The following KAT2B variants were observed in gnomAD, a reference collection of about 807,000 sequenced individuals.
The protein encoded by KAT2B is lysine acetyltransferase 2B, also known as histone acetyltransferase KAT2B.
In KAT2B, 36 loss-of-function variants were observed where a neutral mutation model predicts 105.9. The observed-to-expected ratio is 0.34, with a 90% CI of 0.26 to 0.45. KAT2B has a LOEUF of 0.45. KAT2B is among the 20% of genes least tolerant of loss of function. The pLI, the probability that KAT2B is intolerant of heterozygous loss-of-function variation, is 1.00. For missense variants in KAT2B, 820 were observed against 1,021.6 expected, an observed-to-expected ratio of 0.80 and a Z score of 2.69; for synonymous variants, 397 against 377.9, an observed-to-expected ratio of 1.05 and a Z score of -0.59.
intron 2 of KAT2B, 60 bp downstream of exon 2, chr3:20,072,519 C>G: frequency 6.5e-7 from 1 of 1,537,950 alleles, no homozygotes; most frequent in Non-Finnish European, 9.0e-7. Context: ...AGACTCTTAA[C>G]TTACTGAATT....
In KAT2B at chr3:20,101,122, C is replaced by T; in HGVS notation, c.670-165C>T. 5.1e-6 allele frequency: 3 copies of T among 585,448 alleles called. No individual in the cohort carries two copies. The South Asian group carries it at 7.2e-5, about 14-fold the overall frequency. The allele number at this position is 585,448 out of a possible 1,614,324, so 36.3% of individuals were successfully genotyped here. A position where few individuals can be genotyped will look rare whatever the true frequency, so the allele number is the denominator to read the frequency against. On this transcript the variant is annotated intron_variant, in intron 4 of 17. Coordinates refer to ENST00000263754, the MANE Select transcript of KAT2B (RefSeq NM_003884.5). Reference sequence around the variant, plus strand: ...ATCCACCGTGATCTGAGGCAAGATTCCCTCTGGGGATTGCTATTTTCTTTT... The same window carrying T: ...ATCCACCGTGATCTGAGGCAAGATTTCCTCTGGGGATTGCTATTTTCTTTT...
intron 7 of KAT2B, 146 bp from the exon 8 acceptor site, chr3:20,119,452 A>C: frequency 1.4e-6 from 1 of 701,638 alleles, no homozygotes; most frequent in Non-Finnish European, 2.4e-6. Flanking sequence ...TGTCTTTACT[A>C]TTTTGATGCC....
chr3:20,044,331 T>A (rs566705156), intron 1 of KAT2B, among the ~76,000 whole-genome samples: 1 of 151,620 alleles, frequency 6.6e-6, no homozygotes, highest in South Asian at 2.1e-4. Flanking sequence ...AAATAAAAAA[T>A]TAACCAGGCG....
At chr3:20,120,937 G>A (rs1699297003) in intron 8 of KAT2B, among the ~76,000 whole-genome samples, 1 of 151,990 alleles carries the variant, frequency 6.6e-6, no homozygotes, top group South Asian at 2.1e-4. Flanking sequence ...ACTAATTCAT[G>A]CAGAAACTCT....
intron 2 of KAT2B, among the ~76,000 whole-genome samples, chr3:20,092,056 T>C (rs1008468293): frequency 1.3e-5 from 2 of 152,144 alleles, no homozygotes; most frequent in African/African-American, 2.4e-5. Flanking sequence ...TCTCATTGAA[T>C]GGAATGTTCT....
intron 2 of KAT2B, among the ~76,000 whole-genome samples, chr3:20,089,992 A>C (rs1698687827): frequency 6.7e-6 from 1 of 148,404 alleles, no homozygotes; most frequent in Non-Finnish European, 1.5e-5. Context: ...AAAAACAAAC[A>C]AACAAAAAAA....
chr3:20,040,619 G>T lies in KAT2B; in HGVS notation c.142G>T (p.Gly48Cys), dbSNP rs1310018387. Residue 48 changes from glycine to cysteine, a missense_variant, in exon 1 of 18, where the codon GGC becomes TGC. By Grantham distance (159) the Gly-to-Cys change is radical (BLOSUM62 -3). Around this residue, in one of 6 missense-constraint regions of KAT2B, gnomAD observed 190 missense variants for 176.7 expected, o/e 1.08. Coordinates refer to ENST00000263754, the MANE Select transcript of KAT2B (RefSeq NM_003884.5). The part of the protein sequence containing the change: ...QGSPCAAAAG[G>C]SGACGPATAV... ...CTCCCCCTGCGCCGCTGCCGCCGGG[G>T]GCTCGGGCGCCTGCGGTCCGGCGAC... The T allele has an allele frequency of 5.3e-6, 7 of 1,331,186 alleles. No individual in the cohort carries two copies. The highest frequency in any genetic ancestry group is 5.7e-6 in the Non-Finnish European group (6 of 1,043,552). The allele number at this position is 1,331,186 out of a possible 1,614,324, so 82.5% of individuals were successfully genotyped here. A position where few individuals can be genotyped will look rare whatever the true frequency, so the allele number is the denominator to read the frequency against.
chr3:20,114,534 T>C (rs774181151), intron 6 of KAT2B, among the ~76,000 whole-genome samples: 7 of 98,200 alleles, frequency 7.1e-5, no homozygotes, highest in Non-Finnish European at 1.1e-4. Flanking sequence ...ATTAGTAACT[T>C]TTATGATGGT....
intron 1 of KAT2B, among the ~76,000 whole-genome samples, chr3:20,066,690 C>T (rs550309818): frequency 9.2e-5 from 14 of 151,664 alleles, no homozygotes; most frequent in Middle Eastern, 3.4e-3. Context: ...CATGAGCCAC[C>T]GCACCTGGCT....
chr3:20,140,456 C>T (rs1699677360), intron 13 of KAT2B, 92 bp downstream of exon 13: 1 of 1,298,016 alleles, frequency 7.7e-7, no homozygotes, highest in Admixed American at 2.1e-5. Flanking sequence ...TATGTGTTTA[C>T]TGGATAGCAA....
chr3:20,119,793 A>G, intron 8 of KAT2B, 70 bp downstream of exon 8: 6 of 1,540,020 alleles, frequency 3.9e-6, no homozygotes, highest in Non-Finnish European at 5.3e-6. Context: ...GAGGAGTGCA[A>G]AAGGTAGACT....
chr3:20,106,647 T>C (rs958387995), intron 5 of KAT2B, among the ~76,000 whole-genome samples: 4 of 152,178 alleles, frequency 2.6e-5, no homozygotes, highest in African/African-American at 9.7e-5. Context: ...ACATTTTTAC[T>C]AGCTAATAAC....
intron 11 of KAT2B, among the ~76,000 whole-genome samples, chr3:20,135,105 C>T (rs1367031062): frequency 6.6e-6 from 1 of 152,180 alleles, no homozygotes; most frequent in East Asian, 1.9e-4. Context: ...TTACTATCGT[C>T]TCCTCAAGGA....
At chr3:20,122,090 C>A in intron 8 of KAT2B, among the ~76,000 whole-genome samples, 1 of 152,044 alleles carries the variant, frequency 6.6e-6, no homozygotes, top group East Asian at 1.9e-4. Context: ...ACGGTTGAGG[C>A]TTTAAACAAA....
chr3:20,052,863 C>CTG (rs1181012464), intron 1 of KAT2B, among the ~76,000 whole-genome samples: 8 of 152,222 alleles, frequency 5.3e-5, no homozygotes, highest in Admixed American at 3.3e-4. Flanking sequence ...GTAATCCCAG[C>CTG]TATTCGGGAG....
In KAT2B at chr3:20,114,811, C is replaced by T. The variant is rs1699177874; in HGVS notation, c.1044-71C>T. On this transcript the variant is annotated intron_variant, in intron 6 of 17. Transcript: ENST00000263754. The stretch of plus-strand genomic sequence containing the variant: ...GAGACGCTGATGTTAAGGTGATTGT[C>T]ACAGATAATTAGGGCTGTTATCCTT... 10 of 789,312 alleles carry T rather than the reference C, an allele frequency of 1.3e-5. 1 individual carries two copies. Among genetic ancestry groups the T allele is most frequent in the Middle Eastern group, 2.5e-4 (1 of 3,936 alleles). The allele number at this position is 789,312 out of a possible 1,614,324, so 48.9% of individuals were successfully genotyped here.
At position 20,148,313 on chromosome 3, in the gene KAT2B, GTCC is replaced by G; in HGVS notation, c.2220+10_2220+12del. The stretch of plus-strand genomic sequence containing the variant: ...CATCCTCCAGCAGGTGAAGGTGGGT[GTCC>G]TCTTTATTCACCTCATGCAAATATT... On this transcript the variant is annotated splice_region_variant and intron_variant, in intron 16 of 17. Coordinates refer to ENST00000263754, the MANE Select transcript of KAT2B (RefSeq NM_003884.5). The G allele has an allele frequency of 6.2e-7, 1 of 1,613,434 alleles. No homozygotes were observed. Among genetic ancestry groups the G allele is most frequent in the Non-Finnish European group, 8.5e-7 (1 of 1,179,390 alleles).
intron 13 of KAT2B, among the ~76,000 whole-genome samples, chr3:20,143,589 T>C (rs1699730389): frequency 6.6e-6 from 1 of 152,216 alleles, no homozygotes; most frequent in African/African-American, 2.4e-5. Flanking sequence ...GCTTTTATGT[T>C]CATTGCAGCG....
At chr3:20,091,276 T>C in intron 2 of KAT2B, among the ~76,000 whole-genome samples, 1 of 152,196 alleles carries the variant, frequency 6.6e-6, no homozygotes. Flanking sequence ...TTTTAGATTA[T>C]CCAATTTATT....
Sources: allele counts gnomAD v4.1 joint callset (sites outside exome capture counted in the v4.1 genomes callset), GRCh38; gene constraint gnomAD v4.1.1; regional missense constraint gnomAD v4.1.1; transcripts MANE v1.5; gene names NCBI Gene and HGNC (gene_info 2026-07-23, HGNC 2026-07-21).